NDST3: variants seen among roughly 807,000 people sequenced by gnomAD.
NDST3 encodes bifunctional heparan sulfate N-deacetylase/N-sulfotransferase 3.
In NDST3, 58 loss-of-function variants were observed where a neutral mutation model predicts 96.1. The observed-to-expected ratio is 0.60, with a 90% CI of 0.49 to 0.75. The LOEUF (loss-of-function observed/expected upper bound fraction) is 0.75. Ranked by LOEUF, NDST3 falls within the 30% of genes least tolerant of loss-of-function variation. NDST3 has a pLI of 0.00. For synonymous variants in NDST3, 333 were observed against 359.7 expected (o/e 0.93, Z 0.84); for missense variants, 788 against 1,034.2 (o/e 0.76, Z 3.27).
At chr4:118,048,104 C>A (rs1244871991) in intron 1 of NDST3, among the ~76,000 whole-genome samples, 1 of 152,090 alleles carries the variant, frequency 6.6e-6, no homozygotes, top group Non-Finnish European at 1.5e-5. Context: ...AATTTCCAAC[C>A]AAGAACTTCA....
At chr4:118,044,630 C>T (rs1057393889) in intron 1 of NDST3, among the ~76,000 whole-genome samples, 1 of 152,166 alleles carries the variant, frequency 6.6e-6, no homozygotes, top group African/African-American at 2.4e-5. Context: ...TATGTTATCC[C>T]CCTAATCAAG....
At chr4:118,081,489 C>A (rs1398084240) in intron 2 of NDST3, among the ~76,000 whole-genome samples, 1 of 152,096 alleles carries the variant, frequency 6.6e-6, no homozygotes, top group East Asian at 1.9e-4. Context: ...GTTTTACATA[C>A]ATAAATTTAC....
chr4:118,173,132 A>ATGTG (rs1212093304), intron 6 of NDST3, among the ~76,000 whole-genome samples: 5 of 73,838 alleles, frequency 6.8e-5, no homozygotes, highest in Non-Finnish European at 3.3e-5. Context: ...TGAGGCATAT[A>ATGTG]TATGTGTGTG....
At chr4:118,088,570 G>C (rs1426129623) in intron 2 of NDST3, among the ~76,000 whole-genome samples, 1 of 151,984 alleles carries the variant, frequency 6.6e-6, no homozygotes, top group Non-Finnish European at 1.5e-5. Flanking sequence ...CAGCACCTTT[G>C]CAATTTTTCT....
At chr4:118,206,996 C>CATAT (rs147498086) in intron 6 of NDST3, among the ~76,000 whole-genome samples, 4 of 141,588 alleles carry the variant, frequency 2.8e-5, no homozygotes, top group Non-Finnish European at 6.2e-5. Context: ...AGAATTACAG[C>CATAT]ATATATATAT....
chr4:118,248,211 C>T (rs528939999), intron 12 of NDST3, among the ~76,000 whole-genome samples: 42 of 152,080 alleles, frequency 2.8e-4, no homozygotes, highest in South Asian at 2.1e-4. Flanking sequence ...ATTAGCCAGG[C>T]GTGGTGGCGC....
intron 5 of NDST3, 37 bp downstream of exon 5, chr4:118,138,276 T>C (rs374283428): frequency 7.9e-6 from 12 of 1,519,912 alleles, no homozygotes; most frequent in African/African-American, 1.4e-5. Context: ...TACAACTAAT[T>C]CTGCAAGATT....
chr4:118,164,719 T>C (rs1404696127), intron 6 of NDST3, among the ~76,000 whole-genome samples: 1 of 152,122 alleles, frequency 6.6e-6, no homozygotes, highest in Non-Finnish European at 1.5e-5. Flanking sequence ...TAAATCACCT[T>C]TAATTCTGAT....
At chr4:118,121,827 C>T (rs1405195955) in intron 4 of NDST3, among the ~76,000 whole-genome samples, 1 of 152,090 alleles carries the variant, frequency 6.6e-6, no homozygotes, top group Non-Finnish European at 1.5e-5. Flanking sequence ...TGAGGATACC[C>T]CCTCTTACCC....
chr4:118,105,685 T>G (rs1730118986), intron 3 of NDST3, among the ~76,000 whole-genome samples: 1 of 152,200 alleles, frequency 6.6e-6, no homozygotes, highest in Non-Finnish European at 1.5e-5. Context: ...CATACAAAAT[T>G]TACTTGTCTA....
chr4:118,169,166 T>C (rs768427054), intron 6 of NDST3, among the ~76,000 whole-genome samples: 2 of 152,186 alleles, frequency 1.3e-5, no homozygotes, highest in African/African-American at 4.8e-5. Context: ...TTTTAAAATA[T>C]CTTTTTGTAT....
intron 6 of NDST3, among the ~76,000 whole-genome samples, chr4:118,176,828 T>C (rs540278603): frequency 1.3e-5 from 2 of 152,166 alleles, no homozygotes; most frequent in Non-Finnish European, 2.9e-5. Flanking sequence ...TGGAAAATAA[T>C]CAATGGAATT....
chr4:118,114,968 A>G lies in NDST3; in HGVS notation c.1224+8A>G. 1 of 1,613,728 alleles carries G rather than the reference A, an allele frequency of 6.2e-7. No individual in the cohort carries two copies. ...AACAAAAAATTTGCCTTAGTAAGTAACTCACTTTGTTGCATTGAAGTAGTG... is the reference window on the plus strand; with the variant it reads ...AACAAAAAATTTGCCTTAGTAAGTAGCTCACTTTGTTGCATTGAAGTAGTG... On this transcript the variant is annotated splice_region_variant and intron_variant, in intron 4 of 13. Transcript: ENST00000296499.
At chr4:118,186,394 G>A (rs961824477) in intron 6 of NDST3, among the ~76,000 whole-genome samples, 5 of 152,122 alleles carry the variant, frequency 3.3e-5, no homozygotes, top group East Asian at 1.9e-4. Flanking sequence ...TAATGCACAC[G>A]ATCACAAGGT....
intron 10 of NDST3, among the ~76,000 whole-genome samples, chr4:118,238,455 ATTT>A (rs1740824041): frequency 6.6e-6 from 1 of 152,332 alleles, no homozygotes; most frequent in East Asian, 1.9e-4. Flanking sequence ...TTCGGTGATA[ATTT>A]AACCACCAGT....
chr4:118,236,750 T>G (rs1740671761), intron 9 of NDST3, among the ~76,000 whole-genome samples: 1 of 152,228 alleles, frequency 6.6e-6, no homozygotes, highest in Admixed American at 6.5e-5. Flanking sequence ...ACATTTGATA[T>G]AGTTAGGTCG....
At chr4:118,116,233 G>GA (rs1290931562) in intron 4 of NDST3, among the ~76,000 whole-genome samples, 11 of 152,100 alleles carry the variant, frequency 7.2e-5, no homozygotes, top group Admixed American at 3.3e-4. Flanking sequence ...ATTATGTGGG[G>GA]AAAAAATTAC....
At chr4:118,177,815 G>T (rs993930788) in intron 6 of NDST3, among the ~76,000 whole-genome samples, 1 of 151,952 alleles carries the variant, frequency 6.6e-6, no homozygotes, top group African/African-American at 2.4e-5. Context: ...AAGAATGGAA[G>T]ATTTGAATGA....
upstream of NDST3, chr4:118,033,680 C>T (rs1338180329): frequency 6.6e-6 from 1 of 151,874 alleles, no homozygotes; most frequent in African/African-American, 2.4e-5. Flanking sequence ...CGCAGGAGTC[C>T]CCGGCGCACC....
Sources: allele counts gnomAD v4.1 joint callset (sites outside exome capture counted in the v4.1 genomes callset), GRCh38; gene constraint gnomAD v4.1.1; transcripts MANE v1.5; gene names NCBI Gene and HGNC (gene_info 2026-07-23, HGNC 2026-07-21).